MXI1: variants seen among roughly 807,000 people sequenced by gnomAD.
MXI1 encodes the protein max-interacting protein 1.
In MXI1, 18 loss-of-function variants were observed where a neutral mutation model predicts 36.9. The ratio of observed to expected loss-of-function variants is 0.49; its 90% confidence interval spans 0.34 to 0.72. The LOEUF is 0.72. MXI1 is among the 30% of genes least tolerant of loss of function. The pLI is 0.01. For synonymous variants in MXI1, 160 were observed against 146.7 expected, an observed-to-expected ratio of 1.09 and a Z score of -0.65; for missense variants, 304 against 379.1, an observed-to-expected ratio of 0.80 and a Z score of 1.64.
chr10:110,276,218 A>C (rs1229399041), intron 3 of MXI1, among the ~76,000 whole-genome samples: 4 of 152,222 alleles, frequency 2.6e-5, no homozygotes, highest in Non-Finnish European at 5.9e-5. Flanking sequence ...ATTACCTAGA[A>C]AATCCTCGCT....
Position 110,229,916 on chromosome 10 carries a change from C to T in MXI1, c.407+1595C>T, listed in dbSNP as rs574350192. 1.0e-3 allele frequency among the ~76,000 whole-genome samples: 153 copies of T among 152,080 alleles called. 2 individuals are homozygous for T. The South Asian group carries it at 0.012, about 12-fold the overall frequency. On this transcript the variant is annotated intron_variant, in intron 2 of 5. Transcript: ENST00000332674. ...ATAGGAAACTAGACCTGGGTTCTGT[C>T]GTGCTGCAAGTATTTAAGCCTTTCC...
At chr10:110,274,683 G>C (rs1183140156) in intron 3 of MXI1, among the ~76,000 whole-genome samples, 1 of 152,036 alleles carries the variant, frequency 6.6e-6, no homozygotes, top group African/African-American at 2.4e-5. Context: ...CTTGCTGTTT[G>C]TCTAATGTTC....
chr10:110,268,430 G>A (rs972246387), intron 3 of MXI1, among the ~76,000 whole-genome samples: 5 of 152,106 alleles, frequency 3.3e-5, no homozygotes, highest in African/African-American at 4.8e-5. Flanking sequence ...ATAGAAGCAA[G>A]TCACACAGTG....
At chr10:110,213,709 C>G (rs186890971) in intron 1 of MXI1, among the ~76,000 whole-genome samples, 1 of 152,174 alleles carries the variant, frequency 6.6e-6, no homozygotes, top group African/African-American at 2.4e-5. Context: ...AAAAAGGAGG[C>G]TCCATTAGCT....
At chr10:110,238,105 C>A (rs1206459860) in intron 2 of MXI1, among the ~76,000 whole-genome samples, 1 of 152,138 alleles carries the variant, frequency 6.6e-6, no homozygotes, top group African/African-American at 2.4e-5. Flanking sequence ...ATGTGTTTAC[C>A]AACCATGAAA....
chr10:110,280,640 A>C (rs1857209792), intron 5 of MXI1, among the ~76,000 whole-genome samples: 1 of 151,424 alleles, frequency 6.6e-6, no homozygotes. Context: ...AGATCATGCC[A>C]CTGCGCTCCA....
chr10:110,219,167 G>A (rs1854731988), intron 1 of MXI1, among the ~76,000 whole-genome samples: 1 of 152,168 alleles, frequency 6.6e-6, no homozygotes, highest in East Asian at 1.9e-4. Context: ...GGGCATGGTG[G>A]TGGGTGCCTG....
At chr10:110,275,059 G>A (rs1365536282) in intron 3 of MXI1, among the ~76,000 whole-genome samples, 1 of 149,020 alleles carries the variant, frequency 6.7e-6, no homozygotes, top group East Asian at 1.9e-4. Context: ...ATTTTTAGTA[G>A]ACACAGGGTT....
chr10:110,239,285 C>T (rs1855581058), intron 2 of MXI1, among the ~76,000 whole-genome samples: 1 of 152,186 alleles, frequency 6.6e-6, no homozygotes, highest in Admixed American at 6.5e-5. Context: ...AAATTGCTTA[C>T]AGTTGAGAAC....
intron 2 of MXI1, among the ~76,000 whole-genome samples, chr10:110,229,500 A>C (rs1183416225): frequency 6.6e-6 from 1 of 152,182 alleles, no homozygotes; most frequent in African/African-American, 2.4e-5. Flanking sequence ...CCCACTCTGT[A>C]TTTCAGACAT....
intron 1 of MXI1, among the ~76,000 whole-genome samples, chr10:110,214,843 GTTT>G (rs5787838): frequency 2.2e-5 from 3 of 135,216 alleles, no homozygotes; most frequent in African/African-American, 8.2e-5. Context: ...TGGCTTTTGA[GTTT>G]TTTTTTTTTT....
At chr10:110,272,208 G>T (rs1196137570) in intron 3 of MXI1, among the ~76,000 whole-genome samples, 3 of 152,162 alleles carry the variant, frequency 2.0e-5, no homozygotes, top group Non-Finnish European at 2.9e-5. Context: ...CAACAGAAAT[G>T]CTCATTGGAG....
intron 1 of MXI1, chr10:110,210,453 C>T (rs1313903328): frequency 3.6e-6 from 1 of 278,274 alleles, no homozygotes; most frequent in Non-Finnish European, 5.5e-6. Context: ...CCAGATTTCC[C>T]CGAGAGCTTG....
chr10:110,237,402 G>C (rs1855511937), intron 2 of MXI1, among the ~76,000 whole-genome samples: 1 of 152,060 alleles, frequency 6.6e-6, no homozygotes. Context: ...ATGAATGGAT[G>C]GTAAATTTTA....
intron 3 of MXI1, among the ~76,000 whole-genome samples, chr10:110,275,217 A>G (rs534466191): frequency 2.0e-5 from 3 of 152,132 alleles, no homozygotes; most frequent in East Asian, 1.9e-4. Flanking sequence ...TTTTTCTTCT[A>G]TTGCTTGTCC....
intron 2 of MXI1, among the ~76,000 whole-genome samples, chr10:110,240,932 A>G (rs1044778635): frequency 7.9e-5 from 12 of 151,796 alleles, no homozygotes; most frequent in African/African-American, 2.9e-4. Context: ...TGGAGTGGGG[A>G]TTTTTATTTT....
At chr10:110,268,411 C>G (rs1304530487) in intron 3 of MXI1, among the ~76,000 whole-genome samples, 1 of 152,050 alleles carries the variant, frequency 6.6e-6, no homozygotes, top group Non-Finnish European at 1.5e-5. Context: ...AAGATTTAGA[C>G]AAATATAAAT....
chr10:110,215,785 G>T (rs1400376693), intron 1 of MXI1, among the ~76,000 whole-genome samples: 1 of 152,188 alleles, frequency 6.6e-6, no homozygotes, highest in African/African-American at 2.4e-5. Context: ...TGATGAGGTG[G>T]CTATCCCAAG....
Position 110,280,072 on chromosome 10 carries a change from T to G in MXI1, c.711T>G (p.Ser237=). 6.3e-7 allele frequency: 1 copy of G among 1,588,476 alleles called. No homozygotes were observed. The highest frequency in any genetic ancestry group is 8.6e-7 in the Non-Finnish European group (1 of 1,166,668). The change falls in exon 5 of 6, where the codon TCT becomes TCG. Residue 237 remains serine, a synonymous_variant. Coordinates refer to ENST00000332674, the MANE Select transcript of MXI1 (RefSeq NM_130439.3). ...SIGSTISSDR[S]DSEREEIEVD... is the part of the protein sequence containing the mutation. ...GATCAACTATTTCTTCAGATCGTTC[T>G]GATTCAGAGCGAGGTAGGCAGCTTG...
Sources: gnomAD v4.1 joint callset for allele counts (sites outside exome capture counted in the v4.1 genomes callset) on GRCh38, gnomAD v4.1.1 for gene constraint, MANE v1.5 for transcripts, NCBI Gene and HGNC (gene_info 2026-07-23, HGNC 2026-07-21) for gene names.